SUGCT: variants seen among roughly 807,000 people sequenced by gnomAD.
The protein encoded by SUGCT is succinyl-CoA:glutarate CoA-transferase.
Under a neutral mutation model 55.0 loss-of-function variants are expected in SUGCT, and 41 were observed. The observed-to-expected ratio is 0.74, with a 90% CI of 0.58 to 0.97. The LOEUF (loss-of-function observed/expected upper bound fraction) is 0.97, where lower values mean the gene tolerates loss of function less well. SUGCT is among the 50% of genes least tolerant of loss of function. The probability of loss-of-function intolerance (pLI) is 0.00; values close to 1 mark genes in which losing one functional copy is unlikely to be tolerated. For missense variants in SUGCT, 568 were observed against 547.8 expected, an observed-to-expected ratio of 1.04 and a Z score of -0.37; for synonymous variants, 187 against 200.4, an observed-to-expected ratio of 0.93 and a Z score of 0.56.
chr7:41,012,879 G>A, the SUGCT span, among the ~76,000 whole-genome samples: 1 of 151,928 alleles, frequency 6.6e-6, no homozygotes, highest in African/African-American at 2.4e-5. Flanking sequence ...TAAATGAAAA[G>A]CAAAATATTT....
the SUGCT span, among the ~76,000 whole-genome samples, chr7:40,992,067 G>T: frequency 6.6e-6 from 1 of 152,038 alleles, no homozygotes. Context: ...ATAAAGAATG[G>T]CTACTCCATA....
intron 13 of SUGCT, among the ~76,000 whole-genome samples, chr7:40,822,339 G>A (rs1438571516): frequency 6.6e-6 from 1 of 152,128 alleles, no homozygotes; most frequent in Admixed American, 6.6e-5. Flanking sequence ...CTGTCTCGTT[G>A]ATCTGTCTAA....
chr7:40,189,447 T>G, intron 4 of SUGCT, 97 bp from the exon 5 acceptor site: 38 of 227,664 alleles, frequency 1.7e-4, no homozygotes, highest in East Asian at 6.1e-4. Flanking sequence ...TACATGTGCA[T>G]GTTTGTTATG....
At chr7:40,510,953 G>C (rs1792892703) in intron 12 of SUGCT, among the ~76,000 whole-genome samples, 1 of 152,034 alleles carries the variant, frequency 6.6e-6, no homozygotes, top group African/African-American at 2.4e-5. Flanking sequence ...AGAGCTCCAG[G>C]AAGAGAAAAC....
intron 13 of SUGCT, among the ~76,000 whole-genome samples, chr7:40,847,411 C>CTTTTTTTT (rs981613426): frequency 2.5e-3 from 191 of 75,338 alleles, no homozygotes; most frequent in Non-Finnish European, 2.8e-3. Context: ...TTCTTTCTTT[C>CTTTTTTTT]TTTTTTTTTT....
intron 11 of SUGCT, among the ~76,000 whole-genome samples, chr7:40,459,827 T>C (rs1398507755): frequency 6.6e-6 from 1 of 152,238 alleles, no homozygotes; most frequent in Non-Finnish European, 1.5e-5. Context: ...GTTATTTTTT[T>C]GTAATACCTG....
the SUGCT span, among the ~76,000 whole-genome samples, chr7:41,014,186 G>A: frequency 6.6e-6 from 1 of 152,138 alleles, no homozygotes; most frequent in African/African-American, 2.4e-5. Flanking sequence ...TGAGACCTCT[G>A]CACTATCTTT....
At chr7:40,719,906 C>CT (rs1335800954) in intron 12 of SUGCT, among the ~76,000 whole-genome samples, 1 of 152,136 alleles carries the variant, frequency 6.6e-6, no homozygotes, top group African/African-American at 2.4e-5. Context: ...AGCAATTCTC[C>CT]TGCCTCAGCC....
At chr7:40,235,126 C>A (rs976026714) in intron 6 of SUGCT, among the ~76,000 whole-genome samples, 12 of 151,550 alleles carry the variant, frequency 7.9e-5, no homozygotes, top group African/African-American at 2.9e-4. Flanking sequence ...TTTTTTTAAT[C>A]ATCAATAATT....
intron 13 of SUGCT, among the ~76,000 whole-genome samples, chr7:40,771,006 A>T (rs1221088646): frequency 6.6e-6 from 1 of 152,172 alleles, no homozygotes; most frequent in Non-Finnish European, 1.5e-5. Context: ...ACCCTGAAAA[A>T]TTTCCAGATG....
intron 1 of SUGCT, among the ~76,000 whole-genome samples, chr7:40,139,135 TAAATAAA>T (rs1787847507): frequency 1.6e-5 from 1 of 63,272 alleles, no homozygotes; most frequent in African/African-American, 8.6e-5. Flanking sequence ...CAAAAATAAA[TAAATAAA>T]TAAATAAATA....
intron 12 of SUGCT, among the ~76,000 whole-genome samples, chr7:40,651,156 A>G (rs1800758348): frequency 6.6e-6 from 1 of 152,122 alleles, no homozygotes; most frequent in African/African-American, 2.4e-5. Context: ...TGTCTTTGCT[A>G]TTGTGAATAG....
chr7:40,899,075 C>T, the SUGCT span, among the ~76,000 whole-genome samples: 1 of 152,170 alleles, frequency 6.6e-6, no homozygotes, highest in East Asian at 1.9e-4. Context: ...TAGAACCCCC[C>T]AGAGCTCTGA....
At chr7:41,018,021 T>C in the SUGCT span, among the ~76,000 whole-genome samples, 1 of 151,566 alleles carries the variant, frequency 6.6e-6, no homozygotes, top group Non-Finnish European at 1.5e-5. Context: ...GATGGGCCAG[T>C]GTACTCTGCC....
intron 12 of SUGCT, among the ~76,000 whole-genome samples, chr7:40,620,289 T>C (rs993228238): frequency 6.6e-6 from 1 of 152,232 alleles, no homozygotes; most frequent in Non-Finnish European, 1.5e-5. Flanking sequence ...TTCAAGCACA[T>C]TGAATTTATG....
At chr7:40,867,295 TA>T in the SUGCT span, among the ~76,000 whole-genome samples, 1 of 150,030 alleles carries the variant, frequency 6.7e-6, no homozygotes, top group African/African-American at 2.4e-5. Flanking sequence ...CATAAGCTCA[TA>T]AAACATTTTC....
At chr7:40,514,581 A>T (rs1371893237) in intron 12 of SUGCT, among the ~76,000 whole-genome samples, 1 of 151,894 alleles carries the variant, frequency 6.6e-6, no homozygotes, top group Non-Finnish European at 1.5e-5. Flanking sequence ...GTGGTGGCAC[A>T]TGACTGTAGT....
chr7:40,608,702 T>A (rs1233034268), intron 12 of SUGCT, among the ~76,000 whole-genome samples: 1 of 152,226 alleles, frequency 6.6e-6, no homozygotes, highest in Non-Finnish European at 1.5e-5. Context: ...TTTTTTAGTT[T>A]ATCTCAATTA....
the SUGCT span, among the ~76,000 whole-genome samples, chr7:40,880,370 C>G: frequency 1.3e-5 from 2 of 152,184 alleles, no homozygotes; most frequent in East Asian, 1.9e-4. Context: ...GACTAACCCA[C>G]TTCTACTAAA....
Sources: gnomAD v4.1 joint callset for allele counts (sites outside exome capture counted in the v4.1 genomes callset) on GRCh38, gnomAD v4.1.1 for gene constraint, MANE v1.5 for transcripts, NCBI Gene and HGNC (gene_info 2026-07-23, HGNC 2026-07-21) for gene names.